Variants in LRFN3 observed in about 807,000 individuals in gnomAD.
LRFN3 encodes the protein leucine-rich repeat and fibronectin type-III domain-containing protein 3.
In LRFN3, 8 loss-of-function variants were observed where a neutral mutation model predicts 23.8. The observed-to-expected ratio is 0.34, with a 90% CI of 0.20 to 0.61. The LOEUF (loss-of-function observed/expected upper bound fraction) is 0.61. Among genes scored for constraint, LRFN3 ranks in the 20% least tolerant of loss-of-function variants. The pLI is 0.80. For missense variants in LRFN3, 736 were observed against 935.3 expected (o/e 0.79, Z 2.78); for synonymous variants, 451 against 450.6 (o/e 1.00, Z -0.01).
chr19:35,939,890 C>G lies in LRFN3; in HGVS notation c.465C>G (p.Ala155=). The change falls in exon 2 of 3, where the codon GCC becomes GCG. Residue 155 remains alanine (A), a synonymous_variant. Transcript: ENST00000246529. The surrounding 1 kb of genome is among the most constrained non-coding windows in gnomAD (Gnocchi z 6.4). ...CGGCCGGCGCCCTGGATGATTGTGC[C>G]GAGACACTGGAGGACCTCGACCTCT... ...ALAAGALDDC[A]ETLEDLDLSY... 3.1e-6 allele frequency: 5 copies of G among 1,601,844 alleles called. No homozygotes were observed. The highest frequency in any genetic ancestry group is 4.2e-6 in the Non-Finnish European group (5 of 1,179,808).
chr19:35,938,474 TTCTC>T (rs766402145), intron 1 of LRFN3, among the ~76,000 whole-genome samples: 177 of 151,026 alleles, frequency 1.2e-3, no homozygotes, highest in Middle Eastern at 3.4e-3. Context: ...TGGCCACCTC[TTCTC>T]TCTCTCTCAC....
chr19:35,939,686 T>C lies in LRFN3; in HGVS notation c.261T>C (p.His87=). ...TGGCCAACATGACAGGCCTGCTGCA[T>C]CTGAGCCTGTCGCGGAACACCATCC... ...RDLANMTGLL[H]LSLSRNTIRH... is the part of the protein sequence containing the mutation. Residue 87 remains histidine (H), a synonymous_variant, in exon 2 of 3, where the codon CAT becomes CAC. Transcript: ENST00000246529. The surrounding 1 kb of genome is among the most constrained non-coding windows in gnomAD (Gnocchi z 6.4). The C allele has an allele frequency of 6.2e-7, 1 of 1,606,550 alleles. No homozygotes were observed. Among genetic ancestry groups the C allele is most frequent in the Non-Finnish European group, 8.5e-7 (1 of 1,178,730 alleles).
Position 35,939,300 on chromosome 19 carries a change from G to T in LRFN3, c.-16-110G>T. ...CTTTTGGTCACATCTGACGGTCTTT[G>T]ACCAGCCCTTCTGCCCTCAGCCCAC... On this transcript the variant is annotated intron_variant, in intron 1 of 2. Coordinates refer to ENST00000246529, the MANE Select transcript of LRFN3 (RefSeq NM_024509.2). The surrounding 1 kb of genome is among the most constrained non-coding windows in gnomAD (Gnocchi z 6.4). The T allele has an allele frequency of 8.4e-7, 1 of 1,193,192 alleles. No homozygotes were observed. The highest frequency in any genetic ancestry group is 1.5e-5 in the South Asian group (1 of 66,022). The allele number at this position is 1,193,192 out of a possible 1,614,324, so 73.9% of individuals were successfully genotyped here.
Position 35,939,492 on chromosome 19 carries a change from G to A in LRFN3, c.67G>A (p.Ala23Thr). 6.2e-7 allele frequency: 1 copy of A among 1,604,266 alleles called. No homozygotes were observed. The highest frequency in any genetic ancestry group is 1.3e-5 in the African/African-American group (1 of 74,962). Reference protein sequence around the residue: ...LAPASSPPQSATPSPCPRRCR... With the variant: ...LAPASSPPQSTTPSPCPRRCR... Reference sequence around the variant, plus strand: ...CCCTGCCTCATCCCCACCCCAGTCAGCCACACCCAGCCCATGTCCCCGCCG... The same window carrying A: ...CCCTGCCTCATCCCCACCCCAGTCAACCACACCCAGCCCATGTCCCCGCCG... Residue 23 changes from alanine to threonine, a missense_variant, in exon 2 of 3, where the codon GCC becomes ACC. Physicochemically the swap from Ala to Thr is moderately conservative, Grantham distance 58 (BLOSUM62 0). Coordinates refer to ENST00000246529, the MANE Select transcript of LRFN3 (RefSeq NM_024509.2). This position sits in a 1 kb window ranked among gnomAD's most constrained non-coding sequence, Gnocchi z 6.4.
rs769382499 is a variant in LRFN3 at position 35,944,934 on chromosome 19, C to G, written c.1802C>G (p.Pro601Arg). Residue 601 changes from proline (P) to arginine (R), a missense_variant, in exon 3 of 3, where the codon CCG becomes CGG. Around this residue, in one of 2 missense-constraint regions of LRFN3, gnomAD observed 290 missense variants for 287.4 expected, o/e 1.01. Coordinates refer to ENST00000246529, the MANE Select transcript of LRFN3 (RefSeq NM_024509.2). The surrounding 1 kb of genome is among the most constrained non-coding windows in gnomAD (Gnocchi z 4.5). ...GPTPTPAPPA[P>R]EPAALRAHTV... is the part of the protein sequence containing the mutation. Reference sequence around the variant, plus strand: ...ACGCCCACGCCCGCCCCGCCCGCCCCGGAGCCCGCGGCGCTCAGGGCCCAC... The same window carrying G: ...ACGCCCACGCCCGCCCCGCCCGCCCGGGAGCCCGCGGCGCTCAGGGCCCAC... The G allele has an allele frequency of 6.6e-7, 1 of 1,513,844 alleles. No homozygotes were observed. Among genetic ancestry groups the G allele is most frequent in the Non-Finnish European group, 8.8e-7 (1 of 1,140,662 alleles). The allele number at this position is 1,513,844 out of a possible 1,614,324, so 93.8% of individuals were successfully genotyped here.
At chr19:35,941,932 GAGTGC>G (rs1017111690) in intron 2 of LRFN3, among the ~76,000 whole-genome samples, 1 of 151,618 alleles carries the variant, frequency 6.6e-6, no homozygotes, top group Admixed American at 6.6e-5. Flanking sequence ...GCCCAGGCTG[GAGTGC>G]AGTGGCACAA....
chr19:35,939,794 C>G lies in LRFN3; in HGVS notation c.369C>G (p.Gly123=). The G allele has an allele frequency of 6.2e-7, 1 of 1,603,862 alleles. No individual in the cohort carries two copies. The highest frequency in any genetic ancestry group is 8.5e-7 in the Non-Finnish European group (1 of 1,179,734). Reference sequence around the variant, plus strand: ...ATGGCAACCGGCTGACCTCACTGGGCGAGGGCCAGCTGCGCGGCCTGGTCA... The same window carrying G: ...ATGGCAACCGGCTGACCTCACTGGGGGAGGGCCAGCTGCGCGGCCTGGTCA... ...HLDGNRLTSL[G]EGQLRGLVNL... The change falls in exon 2 of 3, where the codon GGC becomes GGG. Residue 123 remains glycine (G), a synonymous_variant. Transcript: ENST00000246529. This position sits in a 1 kb window ranked among gnomAD's most constrained non-coding sequence, Gnocchi z 6.4.
intron 2 of LRFN3, 130 bp downstream of exon 2, chr19:35,940,970 A>G (rs1976114516): frequency 7.7e-7 from 1 of 1,301,388 alleles, no homozygotes; most frequent in African/African-American, 1.5e-5. Flanking sequence ...AAAAGAAATC[A>G]GAGAGCAAAA....
chr19:35,944,593 G>C lies in LRFN3; in HGVS notation c.1461G>C (p.Ala487=), dbSNP rs1167273417. The C allele has an allele frequency of 2.7e-6, 4 of 1,487,892 alleles. No homozygotes were observed. The highest frequency in any genetic ancestry group is 1.4e-5 in the South Asian group (1 of 73,340). The allele number at this position is 1,487,892 out of a possible 1,614,324, so 92.2% of individuals were successfully genotyped here. ...GCTCGTTCCTGCTGACGGACCTGGCGTCAGGCCGGACCTACGATCTGTGCG... is the reference window on the plus strand; with the variant it reads ...GCTCGTTCCTGCTGACGGACCTGGCCTCAGGCCGGACCTACGATCTGTGCG... ...ESRSFLLTDL[A]SGRTYDLCVL... is the part of the protein sequence containing the mutation. Residue 487 remains alanine, a synonymous_variant, in exon 3 of 3, where the codon GCG becomes GCC. Transcript: ENST00000246529. This position sits in a 1 kb window ranked among gnomAD's most constrained non-coding sequence, Gnocchi z 4.5.
At position 35,944,841 on chromosome 19, in the gene LRFN3, C is replaced by G. The variant is rs778711093; in HGVS notation, c.1709C>G (p.Pro570Arg). 6.2e-6 allele frequency: 10 copies of G among 1,605,312 alleles called. No homozygotes were observed. The highest frequency in any genetic ancestry group is 1.7e-4 in the Middle Eastern group (1 of 6,026). The stretch of plus-strand genomic sequence containing the variant: ...TACAAGGTGCACGGCGGCCAGCCCC[C>G]CGGCAAGGCCAAGATTCCCGCGCCT... ...MRYKVHGGQP[P>R]GKAKIPAPVS... Residue 570 changes from proline to arginine, a missense_variant, in exon 3 of 3, where the codon CCC (proline) becomes CGC (arginine). Transcript: ENST00000246529. This position sits in a 1 kb window ranked among gnomAD's most constrained non-coding sequence, Gnocchi z 4.5.
In LRFN3 at chr19:35,939,582, G is replaced by A. The variant is rs755450034; in HGVS notation, c.157G>A (p.Val53Met). The A allele has an allele frequency of 6.2e-6, 10 of 1,608,566 alleles. No individual in the cohort carries two copies. In the East Asian group the frequency reaches 8.9e-5, roughly 14 times the overall value. The change falls in exon 2 of 3, where the codon GTG becomes ATG. Residue 53 changes from valine to methionine, a missense_variant. Val to Met is a conservative substitution (Grantham distance 21). Around this residue, in one of 2 missense-constraint regions of LRFN3, gnomAD observed 446 missense variants for 647.9 expected, o/e 0.69. Coordinates refer to ENST00000246529, the MANE Select transcript of LRFN3 (RefSeq NM_024509.2). This position sits in a 1 kb window ranked among gnomAD's most constrained non-coding sequence, Gnocchi z 6.4. ...VLCPGAGLLFVPPSLDRRAAE... is the reference protein window; with the variant it reads ...VLCPGAGLLFMPPSLDRRAAE... ...GTGCCCAGGGGCAGGCCTCCTGTTC[G>A]TGCCACCCTCGCTGGACCGCCGGGC...
chr19:35,940,175 C>T lies in LRFN3; in HGVS notation c.750C>T (p.Pro250=). The change falls in exon 2 of 3, where the codon CCC becomes CCT. Residue 250 remains proline, a synonymous_variant. Coordinates refer to ENST00000246529, the MANE Select transcript of LRFN3 (RefSeq NM_024509.2). Reference sequence around the variant, plus strand: ...TGGTGCTGGCCTTTGGCGGGAACCCCCTGCACTGCAACTGCGAGCTGGTGT... The same window carrying T: ...TGGTGCTGGCCTTTGGCGGGAACCCTCTGCACTGCAACTGCGAGCTGGTGT... ...SALVLAFGGN[P]LHCNCELVWL... is the part of the protein sequence containing the mutation. 2 of 1,610,410 alleles carry T rather than the reference C, an allele frequency of 1.2e-6. No homozygotes were observed. The highest frequency in any genetic ancestry group is 1.7e-6 in the Non-Finnish European group (2 of 1,179,628).
At position 35,945,027 on chromosome 19, in the gene LRFN3, C is replaced by A. The variant is rs1288770883; in HGVS notation, c.*8C>A. ...GAACCTGTGGGACCCTAGCCAGGCGCCCCCCCCTCTAAGGGTCCTCTGGCC... is the reference window on the plus strand; with the variant it reads ...GAACCTGTGGGACCCTAGCCAGGCGACCCCCCCTCTAAGGGTCCTCTGGCC... On this transcript the variant is annotated 3_prime_UTR_variant, in exon 3 of 3. Coordinates refer to ENST00000246529, the MANE Select transcript of LRFN3 (RefSeq NM_024509.2). The A allele has an allele frequency of 1.2e-5, 15 of 1,295,944 alleles. No individual in the cohort carries two copies. Among genetic ancestry groups the A allele is most frequent in the Admixed American group, 4.6e-5 (1 of 21,678 alleles). The allele number at this position is 1,295,944 out of a possible 1,614,324, so 80.3% of individuals were successfully genotyped here.
Position 35,945,866 on chromosome 19 carries a change from CTA to C in LRFN3, c.*849_*850del, listed in dbSNP as rs1216302008. 1 of 152,258 alleles carries C rather than the reference CTA, an allele frequency of 6.6e-6. No individual in the cohort carries two copies. Among genetic ancestry groups the C allele is most frequent in the Non-Finnish European group, 1.5e-5 (1 of 68,186 alleles). 9.4% of individuals were successfully genotyped at this position (152,258 alleles called of 1,614,324 possible). On this transcript the variant is annotated 3_prime_UTR_variant, in exon 3 of 3. Coordinates refer to ENST00000246529, the MANE Select transcript of LRFN3 (RefSeq NM_024509.2). ...GGGCTTCAGGAAGATCCTTCTAGTG[CTA>C]TGAGTAGGGTGGACCCAAGGGGAAG...
chr19:35,940,881 G>T, intron 2 of LRFN3, 41 bp downstream of exon 2: 1 of 1,482,928 alleles, frequency 6.7e-7, no homozygotes. Context: ...GTGGGGGAGT[G>T]AGGCAAGGGG....
chr19:35,942,223 C>T (rs1330986762), intron 2 of LRFN3, among the ~76,000 whole-genome samples: 2 of 152,186 alleles, frequency 1.3e-5, no homozygotes, highest in Non-Finnish European at 2.9e-5. Flanking sequence ...AGTTCAAGTT[C>T]CTTTTGCCAG....
rs745848893 is a variant in LRFN3, at chr19:35,940,408, G to A, written c.983G>A (p.Arg328His). 12 of 1,585,934 alleles carry A rather than the reference G, an allele frequency of 7.6e-6. No homozygotes were observed. The highest frequency in any genetic ancestry group is 1.0e-5 in the Non-Finnish European group (12 of 1,171,022). ...RAVGDPEPRV[R>H]WVSPQGRLLG... is the part of the protein sequence containing the mutation. Reference sequence around the variant, plus strand: ...GTGGGGGACCCAGAGCCCCGTGTGCGTTGGGTGTCACCCCAGGGCCGGCTG... The same window carrying A: ...GTGGGGGACCCAGAGCCCCGTGTGCATTGGGTGTCACCCCAGGGCCGGCTG... The change falls in exon 2 of 3, where the codon CGT becomes CAT. Residue 328 changes from arginine (R) to histidine (H), a missense_variant. Physicochemically the swap from Arg to His is conservative, Grantham distance 29. Coordinates refer to ENST00000246529, the MANE Select transcript of LRFN3 (RefSeq NM_024509.2).
At position 35,940,818 on chromosome 19, in the gene LRFN3, G is replaced by A; in HGVS notation, c.1393G>A (p.Ala465Thr). ...RMYQIQYNSS[A>T]DDILVYRMIP... The stretch of plus-strand genomic sequence containing the variant: ...GTACCAGATCCAGTACAACAGCTCG[G>A]CTGATGACATCCTCGTCTACAGGTG... The change falls in exon 2 of 3, where the codon GCT becomes ACT. Residue 465 changes from alanine (A) to threonine (T), a missense_variant. By Grantham distance (58) the Ala-to-Thr change is moderately conservative. Around this residue, in one of 2 missense-constraint regions of LRFN3, gnomAD observed 290 missense variants for 287.4 expected, o/e 1.01. Transcript: ENST00000246529. The A allele has an allele frequency of 6.3e-7, 1 of 1,581,326 alleles. No homozygotes were observed. The highest frequency in any genetic ancestry group is 8.6e-7 in the Non-Finnish European group (1 of 1,158,112).
In LRFN3 at chr19:35,940,124, G is replaced by A. The variant is rs1568514113; in HGVS notation, c.699G>A (p.Arg233=). The change falls in exon 2 of 3, where the codon AGG becomes AGA. Residue 233 remains arginine, a synonymous_variant. Coordinates refer to ENST00000246529, the MANE Select transcript of LRFN3 (RefSeq NM_024509.2). ...TCTCCCGCCTGCCCCTGCTCGCCAG[G>A]CCCCGGGGCTCGCCCGCCTCTGCCC... ...PLFSRLPLLA[R]PRGSPASALV... is the part of the protein sequence containing the mutation. 11 of 1,611,206 alleles carry A rather than the reference G, an allele frequency of 6.8e-6. No homozygotes were observed. The highest frequency in any genetic ancestry group is 7.6e-6 in the Non-Finnish European group (9 of 1,179,402).
Sources: allele counts gnomAD v4.1 joint callset (sites outside exome capture counted in the v4.1 genomes callset), GRCh38; gene constraint gnomAD v4.1.1; regional missense constraint gnomAD v4.1.1; non-coding constraint Gnocchi (gnomAD v3.1); transcripts MANE v1.5; gene names NCBI Gene and HGNC (gene_info 2026-07-23, HGNC 2026-07-21).